The following SLC8A1 variants were observed in gnomAD, a reference collection of about 807,000 sequenced individuals.
SLC8A1 encodes the protein solute carrier family 8 member A1, also known as sodium/calcium exchanger 1.
Under a neutral mutation model 68.3 loss-of-function variants are expected in SLC8A1, and 18 were observed. The ratio of observed to expected loss-of-function variants is 0.26; its 90% CI spans 0.18 to 0.39. The LOEUF is 0.39. SLC8A1 is among the 10% of genes least tolerant of loss of function. The pLI, the probability that SLC8A1 is intolerant of heterozygous loss-of-function variation, is 1.00. For missense variants in SLC8A1, 985 were observed against 1,156.7 expected (o/e 0.85, Z 2.15); for synonymous variants, 475 against 415.5 (o/e 1.14, Z -1.74).
At chr2:40,121,281 T>TGGGACA (rs2036734356) in intron 7 of SLC8A1, among the ~76,000 whole-genome samples, 1 of 152,168 alleles carries the variant, frequency 6.6e-6, no homozygotes, top group Admixed American at 6.5e-5. Context: ...AGAACCACAG[T>TGGGACA]TGTAAGACAT....
chr2:40,261,397 C>T (rs1168054972), intron 2 of SLC8A1, among the ~76,000 whole-genome samples: 1 of 152,266 alleles, frequency 6.6e-6, no homozygotes, highest in East Asian at 1.9e-4. Flanking sequence ...AGCAGGGGCA[C>T]CAATCTAACA....
At chr2:40,357,777 C>G (rs571789650) in intron 2 of SLC8A1, among the ~76,000 whole-genome samples, 7 of 152,152 alleles carry the variant, frequency 4.6e-5, no homozygotes, top group Non-Finnish European at 1.0e-4. Flanking sequence ...GGATTAAAAG[C>G]CCTAGCTTAT....
intron 1 of SLC8A1, among the ~76,000 whole-genome samples, chr2:40,485,566 TC>T (rs1247192033): frequency 6.6e-6 from 1 of 152,200 alleles, no homozygotes; most frequent in Non-Finnish European, 1.5e-5. Context: ...TCTGGTTATT[TC>T]CCTCTTTTCT....
chr2:40,142,348 T>C (rs1222642568), intron 6 of SLC8A1, among the ~76,000 whole-genome samples: 2 of 149,734 alleles, frequency 1.3e-5, no homozygotes, highest in Non-Finnish European at 3.0e-5. Flanking sequence ...CACTCCCCAT[T>C]CCAGCCGGGG....
At chr2:40,378,013 T>C (rs988084385) in intron 2 of SLC8A1, among the ~76,000 whole-genome samples, 2 of 152,172 alleles carry the variant, frequency 1.3e-5, no homozygotes, top group African/African-American at 2.4e-5. Flanking sequence ...CTCTTTGTCA[T>C]CCATTCATTC....
At chr2:40,357,755 T>C (rs1449149558) in intron 2 of SLC8A1, among the ~76,000 whole-genome samples, 1 of 152,124 alleles carries the variant, frequency 6.6e-6, no homozygotes, top group East Asian at 1.9e-4. Context: ...CATCACTGGA[T>C]GCTAATCAAA....
chr2:40,302,923 C>T (rs1245118295), intron 2 of SLC8A1, among the ~76,000 whole-genome samples: 9 of 152,112 alleles, frequency 5.9e-5, no homozygotes, highest in Non-Finnish European at 1.3e-4. Flanking sequence ...ATGGCCTTAT[C>T]CATAACATTC....
intron 2 of SLC8A1, among the ~76,000 whole-genome samples, chr2:40,381,982 CT>C (rs1186308747): frequency 6.6e-6 from 1 of 152,020 alleles, no homozygotes; most frequent in Non-Finnish European, 1.5e-5. Context: ...GACTGATCTC[CT>C]ATCTCCTCGG....
intron 2 of SLC8A1, among the ~76,000 whole-genome samples, chr2:40,379,939 T>C (rs958144733): frequency 1.3e-5 from 2 of 152,150 alleles, no homozygotes; most frequent in East Asian, 1.9e-4. Context: ...GAAAGAGCTC[T>C]AGTAGGTCTC....
At position 40,127,852 on chromosome 2, in the gene SLC8A1, G is replaced by A. The variant is rs560016266; in HGVS notation, c.2437+11549C>T. ...AACCAAAATAAGCTGTTTTCTCCTT[G>A]AGTACAAAATACAGGATTTATAGAT... On this transcript the variant is annotated intron_variant, in intron 7 of 7. Transcript: ENST00000406785. Among the ~76,000 whole-genome samples the A allele has an allele frequency of 1.0e-3, 155 of 152,272 alleles. 1 individual carries two copies. Among genetic ancestry groups the A allele is most frequent in the African/African-American group, 3.4e-3 (141 of 41,558 alleles).
At chr2:40,359,126 G>A (rs58794142) in intron 2 of SLC8A1, among the ~76,000 whole-genome samples, 4,359 of 152,126 alleles carry the variant, frequency 0.029, 189 homozygotes, top group African/African-American at 0.098. Context: ...TATCTAGCAC[G>A]TACGCAGCTA....
intron 2 of SLC8A1, chr2:40,213,281 T>A (rs1161912329): frequency 6.6e-6 from 1 of 152,180 alleles, no homozygotes; most frequent in Non-Finnish European, 1.5e-5. Flanking sequence ...TAGAGCTGTA[T>A]CCACTGTCCA....
chr2:40,259,017 C>CATT (rs1553458091), intron 2 of SLC8A1, among the ~76,000 whole-genome samples: 4 of 151,714 alleles, frequency 2.6e-5, no homozygotes, highest in Middle Eastern at 3.2e-3. Flanking sequence ...AATTGTGAGA[C>CATT]ATAAAGAGAC....
chr2:40,400,614 G>C (rs892882100), intron 2 of SLC8A1, among the ~76,000 whole-genome samples: 1 of 152,162 alleles, frequency 6.6e-6, no homozygotes, highest in African/African-American at 2.4e-5. Flanking sequence ...AGACAGGGAG[G>C]AAATGAGAGG....
chr2:40,468,929 G>T (rs1336664140), intron 1 of SLC8A1, among the ~76,000 whole-genome samples: 2 of 151,862 alleles, frequency 1.3e-5, no homozygotes, highest in African/African-American at 4.8e-5. Context: ...AATAAATAAA[G>T]AAAATCAAAA....
chr2:40,334,086 T>C (rs774635902), intron 2 of SLC8A1, among the ~76,000 whole-genome samples: 13 of 152,148 alleles, frequency 8.5e-5, no homozygotes, highest in Non-Finnish European at 1.2e-4. Context: ...ATATGCATTA[T>C]CATGTATATC....
intron 2 of SLC8A1, among the ~76,000 whole-genome samples, chr2:40,269,515 C>T (rs1197958935): frequency 6.6e-6 from 1 of 152,100 alleles, no homozygotes; most frequent in East Asian, 1.9e-4. Flanking sequence ...CAGAAAGATC[C>T]ATTAGTTTAG....
At chr2:40,142,236 T>G (rs965020195) in intron 6 of SLC8A1, among the ~76,000 whole-genome samples, 1 of 152,176 alleles carries the variant, frequency 6.6e-6, no homozygotes, top group Non-Finnish European at 1.5e-5. Flanking sequence ...TAGCTCCAGG[T>G]AGAACTCCAT....
chr2:40,395,875 T>C (rs376133984), intron 2 of SLC8A1, among the ~76,000 whole-genome samples: 1 of 152,088 alleles, frequency 6.6e-6, no homozygotes, highest in East Asian at 1.9e-4. Context: ...GAGGAGAAAG[T>C]CCATTCATTT....
Sources: allele counts gnomAD v4.1 joint callset (sites outside exome capture counted in the v4.1 genomes callset), GRCh38; gene constraint gnomAD v4.1.1; transcripts MANE v1.5; gene names NCBI Gene and HGNC (gene_info 2026-07-23, HGNC 2026-07-21).